The following PLAG1 variants were observed in gnomAD, a reference collection of about 807,000 sequenced individuals.
PLAG1 encodes zinc finger protein PLAG1.
PLAG1 carries 7 observed loss-of-function variants against 35.5 expected under a neutral mutation model. That is an observed-to-expected ratio of 0.20 (90% CI 0.11 to 0.37). PLAG1 has a LOEUF of 0.37. PLAG1 is among the 10% of genes least tolerant of loss of function. The probability of loss-of-function intolerance (pLI) is 1.00; values close to 1 mark genes in which losing one functional copy is unlikely to be tolerated. For synonymous variants in PLAG1, 229 were observed against 225.4 expected, an observed-to-expected ratio of 1.02 and a Z score of -0.14; for missense variants, 454 against 602.8, an observed-to-expected ratio of 0.75 and a Z score of 2.58.
intron 1 of PLAG1, among the ~76,000 whole-genome samples, chr8:56,210,792 G>A (rs1360598542): frequency 6.6e-6 from 1 of 151,146 alleles, no homozygotes; most frequent in Admixed American, 6.6e-5. Context: ...AGGAGGAGGA[G>A]GAAAACTTTT....
intron 2 of PLAG1, among the ~76,000 whole-genome samples, chr8:56,176,741 A>G (rs1811708170): frequency 6.6e-6 from 1 of 152,086 alleles, no homozygotes; most frequent in South Asian, 2.1e-4. Context: ...CCCACAGGTC[A>G]GCTCAATCTG....
intron 2 of PLAG1, among the ~76,000 whole-genome samples, chr8:56,175,464 G>T (rs1811656924): frequency 6.6e-6 from 1 of 152,138 alleles, no homozygotes; most frequent in South Asian, 2.1e-4. Flanking sequence ...TGAGTTTACA[G>T]CAGGTCCCCA....
Position 56,171,171 on chromosome 8 carries a change from C to T in PLAG1, c.-198G>A. 2 of 976,486 alleles carry T rather than the reference C, an allele frequency of 2.0e-6. No homozygotes were observed. Among genetic ancestry groups the T allele is most frequent in the Non-Finnish European group, 2.4e-6 (2 of 821,556 alleles). The allele number at this position is 976,486 out of a possible 1,614,324, so 60.5% of individuals were successfully genotyped here. A position where few individuals can be genotyped will look rare whatever the true frequency, so the allele number is the denominator to read the frequency against. ...TTCGTGGAAGAGAGTGGAATCCAAT[C>T]CTTCCCATTTTGGCCAATCTATGAA... On this transcript the variant is annotated 5_prime_UTR_variant, in exon 3 of 5. Transcript: ENST00000316981.
intron 2 of PLAG1, among the ~76,000 whole-genome samples, chr8:56,176,369 T>C (rs1390645481): frequency 2.1e-5 from 3 of 141,528 alleles, no homozygotes; most frequent in Non-Finnish European, 4.5e-5. Flanking sequence ...TCCCTTCTAA[T>C]GATCCACAAC....
In PLAG1 at chr8:56,167,570, T is replaced by C; in HGVS notation, c.243-67A>G. Reference sequence around the variant, plus strand: ...AAATGGCATGTATTCACTTTTCAAATGGAAGCTAAACTACTATGCTAACAC... The same window carrying C: ...AAATGGCATGTATTCACTTTTCAAACGGAAGCTAAACTACTATGCTAACAC... On this transcript the variant is annotated intron_variant, in intron 4 of 4. Transcript: ENST00000316981. The surrounding 1 kb of genome is among the most constrained non-coding windows in gnomAD (Gnocchi z 5.9). 1 of 995,002 alleles carries C rather than the reference T, an allele frequency of 1.0e-6. No individual in the cohort carries two copies. Among genetic ancestry groups the C allele is most frequent in the Non-Finnish European group, 1.5e-6 (1 of 673,472 alleles). 61.6% of individuals were successfully genotyped at this position (995,002 alleles called of 1,614,324 possible).
intron 1 of PLAG1, among the ~76,000 whole-genome samples, chr8:56,192,825 A>G (rs1351240509): frequency 6.6e-6 from 1 of 152,218 alleles, no homozygotes; most frequent in East Asian, 1.9e-4. Context: ...CAGAGCGTGT[A>G]AAGAATACAA....
At chr8:56,175,357 C>T in intron 2 of PLAG1, among the ~76,000 whole-genome samples, 1 of 152,206 alleles carries the variant, frequency 6.6e-6, no homozygotes, top group Non-Finnish European at 1.5e-5. Flanking sequence ...ACGAGACTCT[C>T]AGTTGGGGCT....
intron 2 of PLAG1, chr8:56,177,918 C>G (rs1811754492): frequency 3.3e-6 from 1 of 299,528 alleles, no homozygotes; most frequent in African/African-American, 2.3e-5. Context: ...AGAGGCGTCA[C>G]CTGCTTCGGC....
chr8:56,196,575 CGTCA>C (rs1206493336), intron 1 of PLAG1, among the ~76,000 whole-genome samples: 1 of 151,982 alleles, frequency 6.6e-6, no homozygotes, highest in African/African-American at 2.4e-5. Flanking sequence ...TGTGAGGACA[CGTCA>C]GTCAGAACTG....
In PLAG1 at chr8:56,165,199, A is replaced by G. The variant is rs781309525; in HGVS notation, c.*1044T>C. On this transcript the variant is annotated 3_prime_UTR_variant, in exon 5 of 5. Transcript: ENST00000316981. ...CCTGGCTACAGGGGCCATGATCCCT[A>G]CACAAGTTCCCAAATGTAACCATGT... 1.2e-3 allele frequency: 260 copies of G among 213,454 alleles called. 3 individuals carry two copies. Among genetic ancestry groups the G allele is most frequent in the Non-Finnish European group, 2.7e-4 (28 of 105,508 alleles). The allele number at this position is 213,454 out of a possible 1,614,324, so 13.2% of individuals were successfully genotyped here.
At chr8:56,210,641 G>A (rs1812858393) in intron 1 of PLAG1, among the ~76,000 whole-genome samples, 1 of 152,208 alleles carries the variant, frequency 6.6e-6, no homozygotes, top group South Asian at 2.1e-4. Context: ...GGGATGTTTT[G>A]GTGGAAAATG....
In PLAG1 at chr8:56,164,876, T is replaced by A; in HGVS notation, c.*1367A>T. 4.8e-6 allele frequency: 1 copy of A among 210,474 alleles called. No individual in the cohort carries two copies. Among genetic ancestry groups the A allele is most frequent in the South Asian group, 1.9e-4 (1 of 5,318 alleles). The allele number at this position is 210,474 out of a possible 1,614,324, so 13.0% of individuals were successfully genotyped here. A position where few individuals can be genotyped will look rare whatever the true frequency, so the allele number is the denominator to read the frequency against. On this transcript the variant is annotated 3_prime_UTR_variant, in exon 5 of 5. Transcript: ENST00000316981. ...TACAAACTCAACTTATTTGCAATACTCCTATCATTTCCCAGAGATGCATGA... is the reference window on the plus strand; with the variant it reads ...TACAAACTCAACTTATTTGCAATACACCTATCATTTCCCAGAGATGCATGA...
intron 3 of PLAG1, 114 bp from the exon 4 acceptor site, chr8:56,168,500 G>A: frequency 2.6e-6 from 1 of 378,144 alleles, no homozygotes; most frequent in Non-Finnish European, 4.7e-6. Context: ...GGATTCAGCT[G>A]GTCTAATGTA....
chr8:56,206,627 C>T (rs1032108513), intron 1 of PLAG1, among the ~76,000 whole-genome samples: 6 of 151,978 alleles, frequency 3.9e-5, no homozygotes, highest in Admixed American at 6.6e-5. Context: ...CTGATTTACC[C>T]TGCATTCATA....
rs1208845733 is a variant in PLAG1, at chr8:56,167,311, T to G, written c.435A>C (p.Ala145=). The G allele has an allele frequency of 6.2e-7, 1 of 1,614,062 alleles. No homozygotes were observed. Among genetic ancestry groups the G allele is most frequent in the Admixed American group, 1.7e-5 (1 of 60,002 alleles). ...GFKRHLALHA[A]TSGDLTCKVC... is the part of the protein sequence containing the mutation. ...CCTTACAGGTGAGGTCACCACTTGTTGCGGCATGCAAGGCCAAGTGACGTT... is the reference window on the plus strand; with the variant it reads ...CCTTACAGGTGAGGTCACCACTTGTGGCGGCATGCAAGGCCAAGTGACGTT... Residue 145 remains alanine (A), a synonymous_variant, in exon 5 of 5, where the codon GCA becomes GCC. Transcript: ENST00000316981. This position sits in a 1 kb window ranked among gnomAD's most constrained non-coding sequence, Gnocchi z 5.9.
intron 1 of PLAG1, among the ~76,000 whole-genome samples, chr8:56,204,733 G>A (rs760961205): frequency 6.6e-6 from 1 of 151,816 alleles, no homozygotes; most frequent in African/African-American, 2.4e-5. Flanking sequence ...ATATATATAT[G>A]TGCAATTCCA....
intron 1 of PLAG1, among the ~76,000 whole-genome samples, chr8:56,205,029 A>G (rs555523115): frequency 7.2e-5 from 11 of 152,090 alleles, no homozygotes; most frequent in African/African-American, 2.6e-4. Flanking sequence ...AATCGGCAGC[A>G]TAGACCTAAA....
At chr8:56,179,945 GC>G (rs1811816912) in intron 1 of PLAG1, among the ~76,000 whole-genome samples, 1 of 151,984 alleles carries the variant, frequency 6.6e-6, no homozygotes. Flanking sequence ...CAGAGACCAG[GC>G]CACCTGTCCA....
rs773393042 is a variant in PLAG1 at position 56,167,517 on chromosome 8, T to C, written c.243-14A>G. The C allele has an allele frequency of 6.5e-6, 10 of 1,548,502 alleles. No homozygotes were observed. Among genetic ancestry groups the C allele is most frequent in the Middle Eastern group, 1.7e-4 (1 of 5,880 alleles). ...GTAGCCATGTGCCTTTAAACACAGATATAATCTATAAGTAGTTATTATGAC... is the reference window on the plus strand; with the variant it reads ...GTAGCCATGTGCCTTTAAACACAGACATAATCTATAAGTAGTTATTATGAC... On this transcript the variant is annotated splice_polypyrimidine_tract_variant and intron_variant, in intron 4 of 4. Transcript: ENST00000316981. This position sits in a 1 kb window ranked among gnomAD's most constrained non-coding sequence, Gnocchi z 5.9.
Sources: allele counts gnomAD v4.1 joint callset (sites outside exome capture counted in the v4.1 genomes callset), GRCh38; gene constraint gnomAD v4.1.1; non-coding constraint Gnocchi (gnomAD v3.1); transcripts MANE v1.5; gene names NCBI Gene and HGNC (gene_info 2026-07-23, HGNC 2026-07-21).